Variants in KANSL1 observed in about 807,000 individuals in gnomAD.
KANSL1 encodes KAT8 regulatory NSL complex subunit 1, also known as MLL1/MLL complex subunit KANSL1.
KANSL1 carries 22 observed loss-of-function variants against 103.6 expected under a neutral mutation model. The observed-to-expected ratio is 0.21, with a 90% CI of 0.15 to 0.30. The LOEUF is 0.30. KANSL1 is among the 10% of genes least tolerant of loss of function. The probability of loss-of-function intolerance (pLI) is 1.00; values close to 1 mark genes in which losing one functional copy is unlikely to be tolerated. For synonymous variants in KANSL1, 600 were observed against 527.6 expected, an observed-to-expected ratio of 1.14 and a Z score of -1.88; for missense variants, 1,337 against 1,399.8, an observed-to-expected ratio of 0.96 and a Z score of 0.72.
At chr17:46,185,686 C>T (rs1440912937) in intron 1 of KANSL1, among the ~76,000 whole-genome samples, 2 of 95,978 alleles carry the variant, frequency 2.1e-5, no homozygotes, top group South Asian at 3.3e-4. Context: ...TATACACACA[C>T]ATATATACAC....
chr17:46,095,434 G>C (rs1339590352), intron 2 of KANSL1, among the ~76,000 whole-genome samples: 5 of 152,146 alleles, frequency 3.3e-5, no homozygotes, highest in Non-Finnish European at 7.3e-5. Context: ...AAACTATAGA[G>C]AGCCTCAAAA....
At chr17:46,146,642 G>A (rs979589604) in intron 2 of KANSL1, among the ~76,000 whole-genome samples, 8 of 115,190 alleles carry the variant, frequency 6.9e-5, no homozygotes, top group Non-Finnish European at 1.8e-4. Flanking sequence ...GACCATCCCA[G>A]CTAAAACGGT....
At chr17:46,114,343 C>T (rs1306807246) in intron 2 of KANSL1, among the ~76,000 whole-genome samples, 6 of 151,100 alleles carry the variant, frequency 4.0e-5, no homozygotes, top group Non-Finnish European at 7.4e-5. Flanking sequence ...TGGGCAACAG[C>T]GAGACTCCCT....
At chr17:46,153,814 T>C (rs1253578649) in intron 2 of KANSL1, among the ~76,000 whole-genome samples, 2 of 152,232 alleles carry the variant, frequency 1.3e-5, no homozygotes, top group Admixed American at 6.5e-5. Flanking sequence ...AATCGCAATG[T>C]GGAGGGAAAA....
chr17:46,062,354 G>GC (rs2078205484), intron 6 of KANSL1, among the ~76,000 whole-genome samples: 2 of 109,642 alleles, frequency 1.8e-5, no homozygotes, highest in Admixed American at 2.1e-4. Flanking sequence ...TATAACAACA[G>GC]CTTTTTTTTT....
chr17:46,048,122 G>C (rs1025771863), intron 7 of KANSL1, among the ~76,000 whole-genome samples: 1 of 151,908 alleles, frequency 6.6e-6, no homozygotes, highest in Non-Finnish European at 1.5e-5. Context: ...TGCCCATGCT[G>C]GTCTCAAACT....
At chr17:46,145,738 T>A (rs1267883935) in intron 2 of KANSL1, among the ~76,000 whole-genome samples, 1 of 152,176 alleles carries the variant, frequency 6.6e-6, no homozygotes, top group East Asian at 1.9e-4. Flanking sequence ...CTTTTCCTTG[T>A]TTTTTTCTTG....
intron 6 of KANSL1, among the ~76,000 whole-genome samples, chr17:46,056,718 T>C (rs555252623): frequency 1.3e-5 from 2 of 152,356 alleles, no homozygotes; most frequent in South Asian, 4.1e-4. Flanking sequence ...TCTCACTTGT[T>C]AAAAAGGACT....
chr17:46,101,625 G>A (rs536361454), intron 2 of KANSL1, among the ~76,000 whole-genome samples: 4 of 151,746 alleles, frequency 2.6e-5, no homozygotes, highest in South Asian at 2.1e-4. Context: ...TTAGTAGCAC[G>A]CGCCTGTAAT....
upstream of KANSL1, chr17:46,196,231 A>G (rs2147957846): frequency 4.6e-6 from 2 of 438,226 alleles, no homozygotes; most frequent in South Asian, 3.2e-5. Flanking sequence ...GAGCGAGACC[A>G]TCTCAAAATG....
chr17:46,129,762 G>T (rs1177879229), intron 2 of KANSL1, among the ~76,000 whole-genome samples: 1 of 152,074 alleles, frequency 6.6e-6, no homozygotes, highest in Non-Finnish European at 1.5e-5. Flanking sequence ...ATTCAGATTG[G>T]ACAGTCTCAA....
At chr17:46,068,552 G>A (rs1017597768) in intron 4 of KANSL1, among the ~76,000 whole-genome samples, 1 of 152,142 alleles carries the variant, frequency 6.6e-6, no homozygotes, top group Non-Finnish European at 1.5e-5. Context: ...CTGGGTGACA[G>A]AGTGAGACCC....
chr17:46,163,707 TATG>T (rs1194691217), intron 2 of KANSL1, among the ~76,000 whole-genome samples: 2 of 152,254 alleles, frequency 1.3e-5, no homozygotes, highest in South Asian at 2.1e-4. Context: ...TTCAATCACC[TATG>T]ATGATCCCTC....
At chr17:46,192,486 C>T (rs1369864213) in intron 1 of KANSL1, 1 of 152,794 alleles carries the variant, frequency 6.5e-6, no homozygotes, top group Non-Finnish European at 1.5e-5. Flanking sequence ...AAGTTCAAGG[C>T]GAGAGCCAGA....
intron 1 of KANSL1, among the ~76,000 whole-genome samples, chr17:46,208,363 G>A (rs1054210233): frequency 6.6e-6 from 1 of 152,134 alleles, no homozygotes; most frequent in Admixed American, 6.5e-5. Context: ...TGTAATCCCA[G>A]CACTTTGGAA....
intron 4 of KANSL1, among the ~76,000 whole-genome samples, chr17:46,077,112 C>T (rs1471131039): frequency 1.3e-5 from 2 of 152,208 alleles, no homozygotes; most frequent in East Asian, 3.9e-4. Flanking sequence ...AGTACAGTAG[C>T]ATGATCTCAG....
intron 1 of KANSL1, among the ~76,000 whole-genome samples, chr17:46,173,248 G>C (rs939901019): frequency 1.3e-5 from 2 of 152,164 alleles, no homozygotes; most frequent in African/African-American, 4.8e-5. Context: ...CACTAGTATG[G>C]TGAGGTTTCT....
intron 2 of KANSL1, among the ~76,000 whole-genome samples, chr17:46,099,481 G>A (rs1390540861): frequency 1.3e-5 from 2 of 152,168 alleles, no homozygotes; most frequent in Non-Finnish European, 2.9e-5. Flanking sequence ...GAACATTAGG[G>A]ACATGTTTAA....
chr17:46,060,079 G>C (rs949515806), intron 6 of KANSL1, among the ~76,000 whole-genome samples: 1 of 152,150 alleles, frequency 6.6e-6, no homozygotes, highest in Admixed American at 6.5e-5. Flanking sequence ...ATACTGCAAT[G>C]CTATCAATTC....
Sources: allele counts gnomAD v4.1 joint callset (sites outside exome capture counted in the v4.1 genomes callset), GRCh38; gene constraint gnomAD v4.1.1; transcripts MANE v1.5; gene names NCBI Gene and HGNC (gene_info 2026-07-23, HGNC 2026-07-21).